RIIAD1: variants seen among roughly 807,000 people sequenced by gnomAD.
RIIAD1 encodes the protein regulatory subunit of type II PKA R-subunit domain containing 1.
A neutral mutation model predicts 13.3 loss-of-function variants in RIIAD1; 15 were observed. The ratio of observed to expected loss-of-function variants is 1.13; its 90% CI spans 0.76 to 1.74. The LOEUF (loss-of-function observed/expected upper bound fraction) is 1.74, where lower values mean the gene tolerates loss of function less well. RIIAD1 is among the 40% of genes most tolerant of loss of function. The probability of loss-of-function intolerance (pLI) is 0.00; values close to 1 mark genes in which losing one functional copy is unlikely to be tolerated. For synonymous variants in RIIAD1, 50 were observed against 43.3 expected, an observed-to-expected ratio of 1.16 and a Z score of -0.61; for missense variants, 121 against 112.2, an observed-to-expected ratio of 1.08 and a Z score of -0.35.
intron 4 of RIIAD1, chr1:151,714,614 C>T (rs200230999): frequency 4.4e-5 from 68 of 1,558,046 alleles, no homozygotes; most frequent in African/African-American, 4.1e-5. Flanking sequence ...GTCTTCTGTT[C>T]GTGCAGGGCG....
upstream of RIIAD1, among the ~76,000 whole-genome samples, chr1:151,718,530 TA>T (rs1673653020): frequency 6.6e-6 from 1 of 152,240 alleles, no homozygotes; most frequent in Non-Finnish European, 1.5e-5. Flanking sequence ...TCTTTCTTTT[TA>T]CTGCTTGATT....
intron 4 of RIIAD1, among the ~76,000 whole-genome samples, chr1:151,715,269 G>A (rs763060991): frequency 1.1e-4 from 16 of 151,916 alleles, no homozygotes; most frequent in South Asian, 2.1e-4. Flanking sequence ...CCACTTAGCC[G>A]CACAGCCCTT....
intron 2 of RIIAD1, among the ~76,000 whole-genome samples, chr1:151,724,099 G>T (rs183562042): frequency 6.6e-6 from 1 of 152,230 alleles, no homozygotes; most frequent in Admixed American, 6.5e-5. Context: ...AGTTGTTTCA[G>T]TCACCTGTCA....
intron 4 of RIIAD1, 64 bp downstream of exon 4, chr1:151,728,957 A>C: frequency 1.5e-6 from 1 of 666,240 alleles, no homozygotes; most frequent in South Asian, 1.7e-5. Flanking sequence ...GCTCTGGTTT[A>C]TTGGTCCAGG....
upstream of RIIAD1, chr1:151,716,536 G>C: frequency 3.0e-6 from 1 of 328,652 alleles, no homozygotes; most frequent in Non-Finnish European, 6.1e-6. Flanking sequence ...GGCTTCCCTG[G>C]GAGGACACCT....
At chr1:151,727,875 T>C (rs1312364168) in intron 3 of RIIAD1, among the ~76,000 whole-genome samples, 2 of 152,172 alleles carry the variant, frequency 1.3e-5, no homozygotes, top group African/African-American at 4.8e-5. Flanking sequence ...CAAAGGAACA[T>C]AGCGGCAGTT....
chr1:151,729,001 A>G (rs539985170), intron 4 of RIIAD1, 108 bp downstream of exon 4: 2 of 608,218 alleles, frequency 3.3e-6, no homozygotes, highest in Admixed American at 5.8e-5. Flanking sequence ...ATTTAAAGAG[A>G]AGTTTAATGT....
upstream of RIIAD1, chr1:151,719,700 C>T (rs557091789): frequency 1.6e-4 from 113 of 701,166 alleles, 1 homozygote; most frequent in South Asian, 1.5e-3. Context: ...TAAGACAGGC[C>T]AACACAATAC....
chr1:151,715,342 C>T (rs1172889283), intron 4 of RIIAD1, among the ~76,000 whole-genome samples: 4 of 152,124 alleles, frequency 2.6e-5, no homozygotes, highest in African/African-American at 7.2e-5. Context: ...GCCTCCCACA[C>T]TTTCCAGATC....
At chr1:151,721,927 T>G in intron 1 of RIIAD1, 159 bp from the exon 2 acceptor site, 1 of 627,328 alleles carries the variant, frequency 1.6e-6, no homozygotes, top group Non-Finnish European at 2.9e-6. Flanking sequence ...GGCAGAATGA[T>G]ATTTTATCTG....
At chr1:151,729,460 A>C (rs1647272361) in intron 4 of RIIAD1, 28 bp from the exon 5 acceptor site, 1 of 152,368 alleles carries the variant, frequency 6.6e-6, no homozygotes. Context: ...CACACTCCTA[A>C]TTTGGTGGAA....
chr1:151,711,877 G>C (rs1673052601), exon 2 of RIIAD1: 1 of 152,294 alleles, frequency 6.6e-6, no homozygotes, highest in Admixed American at 6.5e-5. Context: ...AAAGGATGCA[G>C]TTCCCTCCTG....
chr1:151,727,554 C>G lies in RIIAD1; in HGVS notation c.162-21C>G, dbSNP rs552519785. 21 of 1,523,178 alleles carry G rather than the reference C, an allele frequency of 1.4e-5. No individual in the cohort carries two copies. The South Asian group carries it at 2.4e-4, about 17-fold the overall frequency. 94.4% of individuals were successfully genotyped at this position (1,523,178 alleles called of 1,614,324 possible). ...GTTAAAGTCTACTTTACCTCCCATC[C>G]TATCCCTTAATGTTTTCCAGAGAAA... On this transcript the variant is annotated intron_variant, in intron 2 of 4. Transcript: ENST00000479191.
At chr1:151,719,735 T>G (rs1438315456), upstream of RIIAD1, 7 of 659,270 alleles carry the variant, frequency 1.1e-5, no homozygotes, top group East Asian at 1.7e-4. Context: ...TGAGACGCTG[T>G]TAAAAAAACA....
chr1:151,718,973 C>T (rs559578893), upstream of RIIAD1, among the ~76,000 whole-genome samples: 6 of 152,244 alleles, frequency 3.9e-5, no homozygotes, highest in African/African-American at 1.4e-4. Flanking sequence ...GCAGATCTGC[C>T]GCCCTGCTGC....
At chr1:151,715,313 C>G (rs934850015) in intron 4 of RIIAD1, among the ~76,000 whole-genome samples, 2 of 152,038 alleles carry the variant, frequency 1.3e-5, no homozygotes, top group Non-Finnish European at 2.9e-5. Context: ...CCTTCTCCCC[C>G]ACTCTCTTAA....
chr1:151,715,804 C>A, intron 4 of RIIAD1: 4 of 1,595,468 alleles, frequency 2.5e-6, no homozygotes, highest in Non-Finnish European at 3.4e-6. Flanking sequence ...CGCTCCACCC[C>A]TCCAGCCTGG....
chr1:151,719,775 T>C, upstream of RIIAD1: 1 of 640,480 alleles, frequency 1.6e-6, no homozygotes, highest in Middle Eastern at 2.4e-4. Context: ...CATGGGCATT[T>C]GGGTCATAGG....
chr1:151,717,337 GAGA>G (rs1673559389), upstream of RIIAD1, among the ~76,000 whole-genome samples: 3 of 152,252 alleles, frequency 2.0e-5, no homozygotes, highest in South Asian at 2.1e-4. Flanking sequence ...AAGGGACGTG[GAGA>G]AGGAGGAGCA....
Sources: allele counts gnomAD v4.1 joint callset (sites outside exome capture counted in the v4.1 genomes callset), GRCh38; gene constraint gnomAD v4.1.1; transcripts MANE v1.5; gene names NCBI Gene and HGNC (gene_info 2026-07-23, HGNC 2026-07-21).